Variants in MAP4 observed in about 807,000 individuals in gnomAD.
The protein encoded by MAP4 is microtubule associated protein 4, also known as microtubule-associated protein 4.
A neutral mutation model predicts 170.2 loss-of-function variants in MAP4; 76 were observed. That is an observed-to-expected ratio of 0.45 (90% CI 0.37 to 0.54). MAP4 has a LOEUF of 0.54. Ranked by LOEUF, MAP4 falls within the 20% of genes least tolerant of loss-of-function variation. The probability of loss-of-function intolerance (pLI) is 0.00; values close to 1 mark genes in which losing one functional copy is unlikely to be tolerated. For missense variants in MAP4, 2,506 were observed against 2,748.0 expected, an observed-to-expected ratio of 0.91 and a Z score of 1.97; for synonymous variants, 909 against 994.5, an observed-to-expected ratio of 0.91 and a Z score of 1.62.
At chr3:48,078,675 A>G (rs1193809830) in intron 1 of MAP4, among the ~76,000 whole-genome samples, 1 of 152,084 alleles carries the variant, frequency 6.6e-6, no homozygotes, top group African/African-American at 2.4e-5. Flanking sequence ...CTCTGCTCCC[A>G]ATCCTTCCTA....
chr3:47,997,276 C>T (rs568706971), intron 2 of MAP4, among the ~76,000 whole-genome samples: 1 of 109,302 alleles, frequency 9.1e-6, no homozygotes, highest in South Asian at 2.8e-4. Context: ...CAGAAAAGCC[C>T]AAGAAGAAAA....
Position 47,945,551 on chromosome 3 carries a change from G to T in MAP4, c.293-17201C>A, listed in dbSNP as rs571390043. Among the ~76,000 whole-genome samples the T allele has an allele frequency of 3.9e-5, 6 of 152,106 alleles. 1 individual carries two copies. In the East Asian group the frequency reaches 1.2e-3, roughly 29 times the overall value. ...AAGGATGTTGAATGGAGAAATGATT[G>T]TAATTTGGAGGGGAAAAAATTCATC... On this transcript the variant is annotated intron_variant, in intron 3 of 20. Transcript: ENST00000683076.
chr3:48,043,698 C>T (rs2100122845), intron 1 of MAP4, among the ~76,000 whole-genome samples: 1 of 152,066 alleles, frequency 6.6e-6, no homozygotes, highest in African/African-American at 2.4e-5. Context: ...CCCCTAAAAA[C>T]TAAGAAGAAA....
At chr3:48,062,101 G>C (rs1379015955) in intron 1 of MAP4, among the ~76,000 whole-genome samples, 1 of 152,194 alleles carries the variant, frequency 6.6e-6, no homozygotes, top group Non-Finnish European at 1.5e-5. Context: ...GATTGTTGCT[G>C]TGTCTGTGTG....
Position 47,909,365 on chromosome 3 carries a change from A to G in MAP4, c.5056T>C (p.Ser1686Pro). ...GACTGGATTTCTGGTGTTGGCAAGG[A>G]AACGCTTTCCAATTCCGTGATTTTA... ...ACKITELESV[S>P]LPTPEIQSDF... is the part of the protein sequence containing the mutation. The change falls in exon 9 of 21, where the codon TCC (serine) becomes CCC (proline). Residue 1686 changes from serine to proline, a missense_variant. By Grantham distance (74) the Ser-to-Pro change is moderately conservative. This residue lies in a region of MAP4 where 2,008 missense variants were observed against 2,206.0 expected (regional missense o/e 0.91). Transcript: ENST00000683076. 2 of 1,614,008 alleles carry G rather than the reference A, an allele frequency of 1.2e-6. No homozygotes were observed. Among genetic ancestry groups the G allele is most frequent in the African/African-American group, 2.7e-5 (2 of 75,064 alleles).
intron 1 of MAP4, among the ~76,000 whole-genome samples, chr3:48,040,849 G>A (rs1037144196): frequency 5.3e-5 from 8 of 152,014 alleles, no homozygotes; most frequent in African/African-American, 1.9e-4. Flanking sequence ...GCGTGCGTGC[G>A]CCACCACATC....
chr3:47,944,935 C>T (rs1236120452), intron 3 of MAP4, among the ~76,000 whole-genome samples: 4 of 147,416 alleles, frequency 2.7e-5, no homozygotes, highest in African/African-American at 1.0e-4. Flanking sequence ...TGCAATTATG[C>T]TCTAAAAAGG....
At chr3:47,930,587 A>G (rs967632948) in intron 3 of MAP4, among the ~76,000 whole-genome samples, 1 of 152,240 alleles carries the variant, frequency 6.6e-6, no homozygotes, top group Non-Finnish European at 1.5e-5. Flanking sequence ...TTGTATGTAG[A>G]AGAGATTATA....
chr3:48,031,988 G>A (rs545100459), intron 1 of MAP4, among the ~76,000 whole-genome samples: 1 of 152,026 alleles, frequency 6.6e-6, no homozygotes, highest in Admixed American at 6.6e-5. Context: ...TTACCTCTGT[G>A]ATCTTCCTTC....
At chr3:47,951,083 C>T (rs914857306) in intron 3 of MAP4, among the ~76,000 whole-genome samples, 2 of 152,124 alleles carry the variant, frequency 1.3e-5, no homozygotes, top group East Asian at 3.8e-4. Flanking sequence ...ATTAAGACAA[C>T]TTTATAAACT....
At chr3:47,871,375 A>T in intron 13 of MAP4, 89 bp from the exon 14 acceptor site, 1 of 1,061,022 alleles carries the variant, frequency 9.4e-7, no homozygotes, top group Non-Finnish European at 1.5e-6. Context: ...TTATTTAACA[A>T]TTACTGAATA....
intron 1 of MAP4, among the ~76,000 whole-genome samples, chr3:48,080,018 A>T (rs776808530): frequency 5.9e-5 from 9 of 152,220 alleles, no homozygotes; most frequent in Admixed American, 3.3e-4. Flanking sequence ...AAAGGCTTAG[A>T]AAGCACATTT....
chr3:47,891,623 G>C (rs1356491593), intron 10 of MAP4: 55 of 1,536,036 alleles, frequency 3.6e-5, no homozygotes, highest in Non-Finnish European at 4.8e-5. Context: ...CTGCTGGGGG[G>C]CTTGGTTGAG....
intron 8 of MAP4, among the ~76,000 whole-genome samples, chr3:47,914,188 T>G (rs990506909): frequency 6.6e-6 from 1 of 152,176 alleles, no homozygotes. Flanking sequence ...TTATGTAACT[T>G]GCTTAAGACC....
rs138280641 is a variant in MAP4 at position 48,059,916 on chromosome 3, T to C, written c.-20+28857A>G. Among the ~76,000 whole-genome samples the C allele has an allele frequency of 3.0e-3, 444 of 148,726 alleles. 2 individuals carry two copies. Among genetic ancestry groups the C allele is most frequent in the African/African-American group, 0.01 (411 of 40,424 alleles). ...AATTGCTTGAACCTGGAGGATGCAG[T>C]GGGCTGAGATTGTGCCACTGCACTC... is the stretch of plus-strand genomic sequence containing the variant. On this transcript the variant is annotated intron_variant, in intron 1 of 18. Transcript: ENST00000360240.
At chr3:47,991,068 A>C (rs992757753) in intron 2 of MAP4, among the ~76,000 whole-genome samples, 1 of 152,226 alleles carries the variant, frequency 6.6e-6, no homozygotes, top group African/African-American at 2.4e-5. Context: ...TAGTAGATCC[A>C]AAGAAAAGGA....
intron 12 of MAP4, among the ~76,000 whole-genome samples, chr3:47,873,331 C>G (rs1034948512): frequency 6.6e-6 from 1 of 152,102 alleles, no homozygotes; most frequent in Non-Finnish European, 1.5e-5. Flanking sequence ...CTGGTTTCTA[C>G]GGGGATAGGG....
At chr3:47,973,803 A>G (rs2100080262) in intron 3 of MAP4, 1 of 985,350 alleles carries the variant, frequency 1.0e-6, no homozygotes. Flanking sequence ...AAACCCCAAA[A>G]TCAACTTAAT....
chr3:47,870,923 T>C lies in MAP4; in HGVS notation c.6184A>G (p.Thr2062Ala). 1.2e-6 allele frequency: 2 copies of C among 1,612,426 alleles called. No homozygotes were observed. Among genetic ancestry groups the C allele is most frequent in the South Asian group, 1.1e-5 (1 of 90,922 alleles). ...KPTSAKPSSTTPRLSRLATNT... is the reference protein window; with the variant it reads ...KPTSAKPSSTAPRLSRLATNT... ...GTGGCCAGGCGGCTGAGCCGGGGGG[T>C]GGTGGAGCTGGGTTTGGCCGAGGTG... Residue 2062 changes from threonine (T) to alanine (A), a missense_variant, in exon 15 of 21, where the codon ACC (threonine) becomes GCC (alanine). By Grantham distance (58) the Thr-to-Ala change is moderately conservative. Around this residue, in one of 3 missense-constraint regions of MAP4, gnomAD observed 487 missense variants for 511.6 expected, o/e 0.95. Transcript: ENST00000683076.
Sources: allele counts gnomAD v4.1 joint callset (sites outside exome capture counted in the v4.1 genomes callset), GRCh38; gene constraint gnomAD v4.1.1; regional missense constraint gnomAD v4.1.1; transcripts MANE v1.5; gene names NCBI Gene and HGNC (gene_info 2026-07-23, HGNC 2026-07-21).